Variants in ADORA3 observed in about 807,000 individuals in gnomAD.
ADORA3 encodes the protein adenosine A3 receptor.
A neutral mutation model predicts 5.7 loss-of-function variants in ADORA3; 3 were observed. The observed-to-expected ratio is 0.52, with a 90% CI of 0.24 to 1.35. The LOEUF is 1.35. ADORA3 is among the 40% of genes most tolerant of loss of function. ADORA3 has a pLI of 0.17. For missense variants in ADORA3, 343 were observed against 389.0 expected, an observed-to-expected ratio of 0.88 and a Z score of 0.99; for synonymous variants, 168 against 152.3, an observed-to-expected ratio of 1.10 and a Z score of -0.76.
Position 111,500,337 on chromosome 1 carries a change from C to G in ADORA3, c.570G>C (p.Leu190=), listed in dbSNP as rs1557822657. Reference sequence around the variant, plus strand: ...CAAGATAGATGGCGCACATGACAACCAGGGGGATGAAAATCCAGGTGAGGA... The same window carrying G: ...CAAGATAGATGGCGCACATGACAACGAGGGGGATGAAAATCCAGGTGAGGA... The part of the protein sequence containing the change: ...FSFLTWIFIP[L]VVMCAIYLDI... The change falls in exon 2 of 2, where the codon CTG becomes CTC. Residue 190 remains leucine, a synonymous_variant. Transcript: ENST00000241356. 1.2e-6 allele frequency: 2 copies of G among 1,614,176 alleles called. No individual in the cohort carries two copies. The highest frequency in any genetic ancestry group is 1.7e-6 in the Non-Finnish European group (2 of 1,180,034).
Position 111,503,529 on chromosome 1 carries a change from C to G in ADORA3, c.-175G>C, listed in dbSNP as rs577559280. On this transcript the variant is annotated 5_prime_UTR_variant, in exon 1 of 2. Transcript: ENST00000241356. ...TCTGGTGGGGTGATCTCTTGGAAAC[C>G]CTTCTCCTTAGAAAGGGCTCATCAC... 1 of 1,424,972 alleles carries G rather than the reference C, an allele frequency of 7.0e-7. No homozygotes were observed. The highest frequency in any genetic ancestry group is 2.9e-5 in the Admixed American group (1 of 34,714). The allele number at this position is 1,424,972 out of a possible 1,614,324, so 88.3% of individuals were successfully genotyped here.
chr1:111,500,722 G>C, intron 1 of ADORA3, 166 bp from the exon 2 acceptor site: 1 of 670,416 alleles, frequency 1.5e-6, no homozygotes, highest in Non-Finnish European at 2.5e-6. Context: ...GGTGATTCCA[G>C]CTAAACTCCA....
rs773080987 is a variant in ADORA3, at chr1:111,503,276, T to G, written c.79A>C (p.Ile27Leu). 6.2e-7 allele frequency: 1 copy of G among 1,614,232 alleles called. No individual in the cohort carries two copies. The highest frequency in any genetic ancestry group is 1.1e-5 in the South Asian group (1 of 91,078). The change falls in exon 1 of 2, where the codon ATA becomes CTA. Residue 27 changes from isoleucine (I) to leucine (L), a missense_variant. Physicochemically the swap from Ile to Leu is conservative, Grantham distance 5. Transcript: ENST00000241356. Reference protein sequence around the residue: ...TMEIFIGLCAIVGNVLVICVV... With the variant: ...TMEIFIGLCALVGNVLVICVV... ...CAGATGACCAGCACGTTGCCCACTA[T>G]GGCGCAGAGTCCAATGAAAATTTCC...
At position 111,500,174 on chromosome 1, in the gene ADORA3, G is replaced by A; in HGVS notation, c.733C>T (p.Pro245Ser). Residue 245 changes from proline (P) to serine (S), a missense_variant, in exon 2 of 2, where the codon CCT (proline) becomes TCT (serine). Pro to Ser is a moderately conservative substitution (Grantham distance 74, BLOSUM62 -1). Coordinates refer to ENST00000241356, the MANE Select transcript of ADORA3 (RefSeq NM_000677.4). ...ATGATGCAGTTGATGATAGATAAAG[G>A]CAGCCATGACAGAGCAAACAAGAAA... Reference protein sequence around the residue: ...VLFLFALSWLPLSIINCIIYF... With the variant: ...VLFLFALSWLSLSIINCIIYF... The A allele has an allele frequency of 1.9e-6, 3 of 1,614,166 alleles. No homozygotes were observed. The highest frequency in any genetic ancestry group is 3.3e-5 in the Admixed American group (2 of 60,004).
chr1:111,500,208 A>G lies in ADORA3; in HGVS notation c.699T>C (p.Phe233=). Residue 233 remains phenylalanine, a synonymous_variant, in exon 2 of 2, where the codon TTT becomes TTC. Coordinates refer to ENST00000241356, the MANE Select transcript of ADORA3 (RefSeq NM_000677.4). ...GREFKTAKSL[F]LVLFLFALSW... ...ACAGAGCAAACAAGAAAAGAACCAG[A>G]AACAAGGACTTAGCCGTCTTGAACT... is the stretch of plus-strand genomic sequence containing the variant. The G allele has an allele frequency of 6.2e-7, 1 of 1,614,200 alleles. No homozygotes were observed. The highest frequency in any genetic ancestry group is 1.1e-5 in the South Asian group (1 of 91,068).
rs767963822 is a variant in ADORA3, at chr1:111,499,999, C to A, written c.908G>T (p.Cys303Phe). The A allele has an allele frequency of 3.7e-6, 6 of 1,614,010 alleles. No homozygotes were observed. The highest frequency in any genetic ancestry group is 1.1e-5 in the South Asian group (1 of 91,082). ...YLLILKACVV[C>F]HPSDSLDTSI... ...TGTGTCCAAAGAATCAGAGGGATGG[C>A]AGACCACACAAGCTTTGAGGATCAA... The change falls in exon 2 of 2, where the codon TGC becomes TTC. Residue 303 changes from cysteine (C) to phenylalanine (F), a missense_variant. By Grantham distance (205) the Cys-to-Phe change is radical. Transcript: ENST00000241356.
intron 1 of ADORA3, chr1:111,501,234 T>C (rs1655157983): frequency 6.6e-6 from 1 of 152,436 alleles, no homozygotes; most frequent in African/African-American, 2.4e-5. Context: ...TGGGCATCCA[T>C]ACTTGGTATT....
In ADORA3 at chr1:111,503,277, G is replaced by A. The variant is rs746936707; in HGVS notation, c.78C>T (p.Ala26=). Residue 26 remains alanine, a synonymous_variant, in exon 1 of 2, where the codon GCC becomes GCT. Coordinates refer to ENST00000241356, the MANE Select transcript of ADORA3 (RefSeq NM_000677.4). ...ITMEIFIGLC[A]IVGNVLVICV... is the part of the protein sequence containing the mutation. ...AGATGACCAGCACGTTGCCCACTATGGCGCAGAGTCCAATGAAAATTTCCA... is the reference window on the plus strand; with the variant it reads ...AGATGACCAGCACGTTGCCCACTATAGCGCAGAGTCCAATGAAAATTTCCA... 1 of 1,614,212 alleles carries A rather than the reference G, an allele frequency of 6.2e-7. No individual in the cohort carries two copies. The highest frequency in any genetic ancestry group is 1.7e-5 in the Admixed American group (1 of 60,020).
intron 1 of ADORA3, 97 bp from the exon 2 acceptor site, chr1:111,500,653 G>A (rs1398830660): frequency 8.6e-7 from 1 of 1,165,576 alleles, no homozygotes; most frequent in African/African-American, 1.5e-5. Flanking sequence ...GTGAGATAAG[G>A]CATATACTCT....
chr1:111,501,076 G>T, intron 1 of ADORA3: 1 of 157,560 alleles, frequency 6.3e-6, no homozygotes, highest in Non-Finnish European at 1.4e-5. Context: ...AGGATTGTCT[G>T]CCTGGTGAGA....
At position 111,499,660 on chromosome 1, in the gene ADORA3, A is replaced by G. The variant is rs1008803063; in HGVS notation, c.*290T>C. The G allele has an allele frequency of 5.9e-6, 7 of 1,190,594 alleles. No homozygotes were observed. Among genetic ancestry groups the G allele is most frequent in the African/African-American group, 1.6e-5 (1 of 64,016 alleles). 73.8% of individuals were successfully genotyped at this position (1,190,594 alleles called of 1,614,324 possible). On this transcript the variant is annotated 3_prime_UTR_variant, in exon 2 of 2. Transcript: ENST00000241356. The stretch of plus-strand genomic sequence containing the variant: ...AACTAGGCACCCTTCAGGCTCCATG[A>G]CTTATTCTTCTATTGGGAAGAAGGA...
At position 111,499,491 on chromosome 1, in the gene ADORA3, C is replaced by G. The variant is rs1655048716; in HGVS notation, c.*459G>C. The G allele has an allele frequency of 1.0e-6, 1 of 998,256 alleles. No homozygotes were observed. The highest frequency in any genetic ancestry group is 1.7e-5 in the African/African-American group (1 of 57,362). The allele number at this position is 998,256 out of a possible 1,614,324, so 61.8% of individuals were successfully genotyped here. A position where few individuals can be genotyped will look rare whatever the true frequency, so the allele number is the denominator to read the frequency against. On this transcript the variant is annotated 3_prime_UTR_variant, in exon 2 of 2. Transcript: ENST00000241356. ...GGTGAATTCAGCAGTTTAAGTCCCC[C>G]TTAAACTCAGTTTATTTTTTCTGTT...
Position 111,499,938 on chromosome 1 carries a change from T to C in ADORA3, c.*12A>G. The C allele has an allele frequency of 6.2e-7, 1 of 1,612,106 alleles. No individual in the cohort carries two copies. On this transcript the variant is annotated 3_prime_UTR_variant, in exon 2 of 2. Coordinates refer to ENST00000241356, the MANE Select transcript of ADORA3 (RefSeq NM_000677.4). ...TGAAGGTCAATGAGACAGAGTCATC[T>C]CTGATGGATAACTACTCAGAATTCT...
rs1305833517 is a variant in ADORA3, at chr1:111,500,353, C to G, written c.554G>C (p.Trp185Ser). Residue 185 changes from tryptophan to serine, a missense_variant, in exon 2 of 2, where the codon TGG (tryptophan) becomes TCG (serine). Transcript: ENST00000241356. ...CATGACAACCAGGGGGATGAAAATC[C>G]AGGTGAGGAAGCTGAAGTATACCAT... is the stretch of plus-strand genomic sequence containing the variant. ...DYMVYFSFLTWIFIPLVVMCA... is the reference protein window; with the variant it reads ...DYMVYFSFLTSIFIPLVVMCA... The G allele has an allele frequency of 6.2e-7, 1 of 1,614,132 alleles. No homozygotes were observed. Among genetic ancestry groups the G allele is most frequent in the South Asian group, 1.1e-5 (1 of 91,086 alleles).
At chr1:111,502,904 G>T in intron 1 of ADORA3, 101 bp downstream of exon 1, 1 of 1,436,472 alleles carries the variant, frequency 7.0e-7, no homozygotes, top group Non-Finnish European at 9.4e-7. Flanking sequence ...AACATCAAGG[G>T]CCAATTTGGA....
At position 111,499,605 on chromosome 1, in the gene ADORA3, A is replaced by G; in HGVS notation, c.*345T>C. 9.2e-7 allele frequency: 1 copy of G among 1,087,502 alleles called. No individual in the cohort carries two copies. Among genetic ancestry groups the G allele is most frequent in the Non-Finnish European group, 1.1e-6 (1 of 891,616 alleles). The allele number at this position is 1,087,502 out of a possible 1,614,324, so 67.4% of individuals were successfully genotyped here. A position where few individuals can be genotyped will look rare whatever the true frequency, so the allele number is the denominator to read the frequency against. On this transcript the variant is annotated 3_prime_UTR_variant, in exon 2 of 2. Transcript: ENST00000241356. ...ATGAGTCACCACCACACACATGTTC[A>G]GCCCAACTGGAGCCTTTTGTCAGTA...
intron 1 of ADORA3, among the ~76,000 whole-genome samples, chr1:111,501,564 G>A (rs1340324705): frequency 7.2e-5 from 11 of 152,114 alleles, no homozygotes; most frequent in East Asian, 1.9e-4. Context: ...ATATGTTAAC[G>A]CATTTCATTT....
At chr1:111,502,733 A>G (rs1362291420) in intron 1 of ADORA3, among the ~76,000 whole-genome samples, 1 of 151,670 alleles carries the variant, frequency 6.6e-6, no homozygotes, top group Non-Finnish European at 1.5e-5. Context: ...CATCATTTTT[A>G]GCCAAGGATT....
Position 111,500,111 on chromosome 1 carries a change from T to C in ADORA3, c.796A>G (p.Met266Val). The C allele has an allele frequency of 6.2e-7, 1 of 1,614,174 alleles. No individual in the cohort carries two copies. Among genetic ancestry groups the C allele is most frequent in the Non-Finnish European group, 8.5e-7 (1 of 1,180,014 alleles). ...NGEVPQLVLY[M>V]GILLSHANSM... is the part of the protein sequence containing the mutation. ...TTGGCATGGGACAGCAGGATGCCCA[T>C]GTACAGCACAAGCTGTGGTACCTCA... Residue 266 changes from methionine (M) to valine (V), a missense_variant, in exon 2 of 2, where the codon ATG (methionine) becomes GTG (valine). Coordinates refer to ENST00000241356, the MANE Select transcript of ADORA3 (RefSeq NM_000677.4).
Sources: allele counts gnomAD v4.1 joint callset (sites outside exome capture counted in the v4.1 genomes callset), GRCh38; gene constraint gnomAD v4.1.1; transcripts MANE v1.5; gene names NCBI Gene and HGNC (gene_info 2026-07-23, HGNC 2026-07-21).